The following SLC35F1 variants were observed in gnomAD, a reference collection of about 807,000 sequenced individuals.
The protein encoded by SLC35F1 is chromosome 6 open reading frame 169.
SLC35F1 carries 14 observed loss-of-function variants against 48.7 expected under a neutral mutation model. The observed-to-expected ratio is 0.29, with a 90% confidence interval of 0.19 to 0.45. SLC35F1 has a LOEUF of 0.45. Among genes scored for constraint, SLC35F1 ranks in the 20% least tolerant of loss-of-function variants. The pLI is 1.00. For missense variants in SLC35F1, 404 were observed against 500.0 expected (o/e 0.81, Z 1.83); for synonymous variants, 190 against 202.2 (o/e 0.94, Z 0.51).
chr6:118,287,006 A>C (rs1399740078), intron 7 of SLC35F1, among the ~76,000 whole-genome samples: 1 of 152,122 alleles, frequency 6.6e-6, no homozygotes, highest in Non-Finnish European at 1.5e-5. Flanking sequence ...TTTGCCCAAT[A>C]CAGTGGCAAA....
At chr6:118,309,997 G>A (rs1406648078) in intron 7 of SLC35F1, among the ~76,000 whole-genome samples, 1 of 152,202 alleles carries the variant, frequency 6.6e-6, no homozygotes, top group Non-Finnish European at 1.5e-5. Context: ...ATTCATGAAG[G>A]TAGAAAAAGA....
At chr6:118,115,803 A>G (rs921908919) in intron 1 of SLC35F1, among the ~76,000 whole-genome samples, 1 of 152,242 alleles carries the variant, frequency 6.6e-6, no homozygotes, top group Admixed American at 6.5e-5. Flanking sequence ...TTTGTTGACA[A>G]AATGACAGAA....
chr6:117,945,878 G>A (rs1277032786), intron 1 of SLC35F1, among the ~76,000 whole-genome samples: 2 of 152,176 alleles, frequency 1.3e-5, no homozygotes, highest in Non-Finnish European at 2.9e-5. Context: ...TTAGAGATGG[G>A]TCTCGGAAGA....
At chr6:118,081,955 G>T (rs1205642052) in intron 1 of SLC35F1, among the ~76,000 whole-genome samples, 2 of 152,190 alleles carry the variant, frequency 1.3e-5, no homozygotes, top group Non-Finnish European at 2.9e-5. Flanking sequence ...AACTTTTAAA[G>T]ACCCAAGGAA....
chr6:117,919,959 C>T (rs1775875509), intron 1 of SLC35F1, among the ~76,000 whole-genome samples: 1 of 152,142 alleles, frequency 6.6e-6, no homozygotes, highest in African/African-American at 2.4e-5. Flanking sequence ...GCCTAAAAGG[C>T]TCCACAGAGG....
chr6:118,155,927 A>C (rs981158840), intron 2 of SLC35F1, among the ~76,000 whole-genome samples: 1 of 152,232 alleles, frequency 6.6e-6, no homozygotes, highest in Non-Finnish European at 1.5e-5. Context: ...TAGAATAATA[A>C]TGCTTAATTA....
At chr6:118,011,882 G>A (rs1777252455) in intron 1 of SLC35F1, among the ~76,000 whole-genome samples, 2 of 152,134 alleles carry the variant, frequency 1.3e-5, no homozygotes, top group South Asian at 4.1e-4. Flanking sequence ...CAGAAGCACT[G>A]GTCTGAGGGA....
rs374995679 is a variant in SLC35F1, at chr6:118,070,860, G to A, written c.174-83585G>A. 9.8e-3 allele frequency among the ~76,000 whole-genome samples: 1,229 copies of A among 125,360 alleles called. 15 individuals are homozygous for A. The highest frequency in any genetic ancestry group is 0.038 in the South Asian group (157 of 4,098). The allele number at this position is 125,360 out of a possible 152,430, so 82.2% of individuals were successfully genotyped here. A position where few individuals can be genotyped will look rare whatever the true frequency, so the allele number is the denominator to read the frequency against. The stretch of plus-strand genomic sequence containing the variant: ...ATTCTATGTATATATATACACATAG[G>A]ATATATATACTATGTATATATATAC... On this transcript the variant is annotated intron_variant, in intron 1 of 7. Transcript: ENST00000360388.
At chr6:117,930,496 A>AT (rs940263685) in intron 1 of SLC35F1, among the ~76,000 whole-genome samples, 32 of 151,636 alleles carry the variant, frequency 2.1e-4, no homozygotes, top group South Asian at 2.1e-4. Context: ...TATGTACTTA[A>AT]TTTTTTTTTC....
intron 3 of SLC35F1, among the ~76,000 whole-genome samples, chr6:118,244,665 T>C (rs1431180606): frequency 6.6e-6 from 1 of 152,252 alleles, no homozygotes; most frequent in Non-Finnish European, 1.5e-5. Flanking sequence ...AGTTTTCTTA[T>C]AGTAACTGTC....
chr6:118,092,006 C>T lies in SLC35F1; in HGVS notation c.174-62439C>T, dbSNP rs946666416. On this transcript the variant is annotated intron_variant, in intron 1 of 7. Transcript: ENST00000360388. ...CAGAAGAAATTTCTAAGTGGCGAAG[C>T]ATTCAAGAGAAAGCAGAGCATAAAA... 1.8e-4 allele frequency among the ~76,000 whole-genome samples: 27 copies of T among 152,214 alleles called. 1 individual carries two copies. The South Asian group carries it at 2.7e-3, about 15-fold the overall frequency.
chr6:118,060,844 T>C (rs934302518), intron 1 of SLC35F1, among the ~76,000 whole-genome samples: 2 of 152,188 alleles, frequency 1.3e-5, no homozygotes, highest in African/African-American at 2.4e-5. Context: ...ACATTGAGGC[T>C]CAGACAAATT....
At chr6:118,295,230 A>G (rs1776169817) in intron 7 of SLC35F1, among the ~76,000 whole-genome samples, 1 of 152,128 alleles carries the variant, frequency 6.6e-6, no homozygotes, top group Admixed American at 6.6e-5. Context: ...TTATAATAAT[A>G]TATTATTATG....
At chr6:118,289,233 T>C (rs1395998503) in intron 7 of SLC35F1, among the ~76,000 whole-genome samples, 1 of 152,232 alleles carries the variant, frequency 6.6e-6, no homozygotes, top group African/African-American at 2.4e-5. Context: ...CCACAGTTTA[T>C]TTAACCAGTC....
chr6:118,083,018 C>A (rs1772935227), intron 1 of SLC35F1, among the ~76,000 whole-genome samples: 1 of 152,118 alleles, frequency 6.6e-6, no homozygotes. Flanking sequence ...GGGGAAAAAA[C>A]TGCTAGGCAG....
intron 1 of SLC35F1, among the ~76,000 whole-genome samples, chr6:117,957,253 C>T (rs533572068): frequency 1.1e-4 from 16 of 152,292 alleles, no homozygotes; most frequent in African/African-American, 3.8e-4. Context: ...TTTTTGGTCA[C>T]TCTTCATCTC....
At chr6:118,075,441 A>G (rs1772804687) in intron 1 of SLC35F1, among the ~76,000 whole-genome samples, 1 of 152,250 alleles carries the variant, frequency 6.6e-6, no homozygotes, top group African/African-American at 2.4e-5. Context: ...TCACATATCC[A>G]GATTGTTTTC....
At chr6:117,972,860 G>C (rs928609978) in intron 1 of SLC35F1, among the ~76,000 whole-genome samples, 3 of 151,924 alleles carry the variant, frequency 2.0e-5, no homozygotes, top group Non-Finnish European at 2.9e-5. Context: ...ATAAAATTAG[G>C]GATACTTCTG....
intron 1 of SLC35F1, among the ~76,000 whole-genome samples, chr6:118,103,227 G>A (rs1401514813): frequency 1.3e-5 from 2 of 151,776 alleles, no homozygotes; most frequent in Non-Finnish European, 2.9e-5. Context: ...CTCCTGCTTC[G>A]AGGATCCTAT....
Sources: allele counts gnomAD v4.1 joint callset (sites outside exome capture counted in the v4.1 genomes callset), GRCh38; gene constraint gnomAD v4.1.1; transcripts MANE v1.5; gene names NCBI Gene and HGNC (gene_info 2026-07-23, HGNC 2026-07-21).